SKAP1: variants seen among roughly 807,000 people sequenced by gnomAD.
The protein encoded by SKAP1 is src kinase associated phosphoprotein 1.
Under a neutral mutation model 58.5 loss-of-function variants are expected in SKAP1, and 44 were observed. That is an observed-to-expected ratio of 0.75 (90% confidence interval 0.59 to 0.97). The LOEUF (loss-of-function observed/expected upper bound fraction) is 0.97. Among genes scored for constraint, SKAP1 ranks in the 50% least tolerant of loss-of-function variants. The pLI is 0.00. For missense variants in SKAP1, 390 were observed against 435.2 expected (o/e 0.90, Z 0.92); for synonymous variants, 127 against 149.7 (o/e 0.85, Z 1.11).
At chr17:48,244,620 TG>T (rs5820691) in intron 4 of SKAP1, among the ~76,000 whole-genome samples, 80,543 of 151,878 alleles carry the variant, frequency 0.53, 23,123 homozygotes, top group East Asian at 0.77. Context: ...AACAAATAGT[TG>T]GGGGAAAGAA....
rs927931274 is a variant in SKAP1, at chr17:48,364,892, T to A, written c.153-1078A>T. 4.6e-5 allele frequency among the ~76,000 whole-genome samples: 7 copies of A among 151,408 alleles called. No homozygotes were observed. In the Admixed American group the frequency reaches 4.6e-4, roughly 10 times the overall value. On this transcript the variant is annotated intron_variant, in intron 2 of 12. Coordinates refer to ENST00000336915, the MANE Select transcript of SKAP1 (RefSeq NM_003726.4). ...CCCTTGAAGTCTTTTATTTATCTAT[T>A]TTTTTTTCTGAGACTAGGCCTTGCT...
At chr17:48,355,432 C>A (rs1042368923) in intron 3 of SKAP1, among the ~76,000 whole-genome samples, 6 of 152,108 alleles carry the variant, frequency 3.9e-5, no homozygotes, top group African/African-American at 1.4e-4. Context: ...TGCACACCCC[C>A]ATGCTTGGCT....
chr17:48,206,454 T>C (rs1241687081), intron 4 of SKAP1, among the ~76,000 whole-genome samples: 1 of 151,876 alleles, frequency 6.6e-6, no homozygotes, highest in Non-Finnish European at 1.5e-5. Flanking sequence ...TACCCCTTGG[T>C]ATAAAAAATA....
At chr17:48,310,800 C>T (rs908629353) in intron 4 of SKAP1, among the ~76,000 whole-genome samples, 1 of 151,718 alleles carries the variant, frequency 6.6e-6, no homozygotes. Context: ...AGTCCATAAT[C>T]CCCTATTCTG....
At position 48,257,735 on chromosome 17, in the gene SKAP1, T is replaced by C. The variant is rs1358375790; in HGVS notation, c.281-68235A>G. On this transcript the variant is annotated intron_variant, in intron 4 of 12. Coordinates refer to ENST00000336915, the MANE Select transcript of SKAP1 (RefSeq NM_003726.4). ...TCTCAACAATCAATTTTTACTGCTG[T>C]AGAAGATAATAATGGTAATAACACT... 2.0e-5 allele frequency among the ~76,000 whole-genome samples: 3 copies of C among 151,234 alleles called. No homozygotes were observed. The East Asian group carries it at 5.8e-4, about 29-fold the overall frequency.
intron 4 of SKAP1, chr17:48,307,933 C>A (rs1213807772): frequency 6.6e-6 from 1 of 152,150 alleles, no homozygotes; most frequent in African/African-American, 2.4e-5. Context: ...TGGTTTCTAG[C>A]CTCATCTCCA....
intron 4 of SKAP1, among the ~76,000 whole-genome samples, chr17:48,300,134 C>A (rs922863197): frequency 3.9e-5 from 6 of 152,142 alleles, no homozygotes; most frequent in Non-Finnish European, 7.4e-5. Flanking sequence ...TAGTTCAGGT[C>A]CTTCCCAGGC....
At chr17:48,302,929 TA>T (rs1388218829) in intron 4 of SKAP1, among the ~76,000 whole-genome samples, 6 of 152,180 alleles carry the variant, frequency 3.9e-5, no homozygotes, top group African/African-American at 1.4e-4. Flanking sequence ...TCACAGTGAA[TA>T]ATAATTTTAA....
chr17:48,343,751 C>A (rs2066687238), intron 4 of SKAP1, among the ~76,000 whole-genome samples: 1 of 151,980 alleles, frequency 6.6e-6, no homozygotes, highest in South Asian at 2.1e-4. Context: ...ATGGTCTTAG[C>A]CAAAATGTTT....
chr17:48,400,860 T>A (rs1198474938), intron 1 of SKAP1, among the ~76,000 whole-genome samples: 1 of 152,144 alleles, frequency 6.6e-6, no homozygotes, highest in Non-Finnish European at 1.5e-5. Context: ...AGACTTAATA[T>A]CGTTAAAATG....
Position 48,220,297 on chromosome 17 carries a change from C to A in SKAP1, c.281-30797G>T, listed in dbSNP as rs185147934. Among the ~76,000 whole-genome samples the A allele has an allele frequency of 8.7e-4, 132 of 152,246 alleles. No individual in the cohort carries two copies. The East Asian group carries it at 0.017, about 20-fold the overall frequency. ...ACAATATTTCCAAAGCAGAAAAAAA[C>A]CATACGTTTACCTACCATAGAATGA... is the stretch of plus-strand genomic sequence containing the variant. On this transcript the variant is annotated intron_variant, in intron 4 of 12. Coordinates refer to ENST00000336915, the MANE Select transcript of SKAP1 (RefSeq NM_003726.4).
At position 48,346,005 on chromosome 17, in the gene SKAP1, C is replaced by G; in HGVS notation, c.180G>C (p.Gly60=). Residue 60 remains glycine, a splice_region_variant and synonymous_variant, in exon 4 of 13, where the codon GGG becomes GGC. Coordinates refer to ENST00000336915, the MANE Select transcript of SKAP1 (RefSeq NM_003726.4). Reference sequence around the variant, plus strand: ...CAGAGCTGTCCTGTCCAATGTCTCCCCCTGAGGGACAAAAAAGACAGAAAA... The same window carrying G: ...CAGAGCTGTCCTGTCCAATGTCTCCGCCTGAGGGACAAAAAAGACAGAAAA... ...ARYYWDFQPQ[G]GDIGQDSSDD... is the part of the protein sequence containing the mutation. 1 of 1,583,504 alleles carries G rather than the reference C, an allele frequency of 6.3e-7. No homozygotes were observed. Among genetic ancestry groups the G allele is most frequent in the East Asian group, 2.3e-5 (1 of 43,902 alleles).
intron 10 of SKAP1, among the ~76,000 whole-genome samples, chr17:48,165,276 G>A (rs949658550): frequency 1.3e-5 from 2 of 152,166 alleles, no homozygotes; most frequent in African/African-American, 4.8e-5. Flanking sequence ...ACCAGGAAGA[G>A]CTTAAAAGCC....
intron 4 of SKAP1, among the ~76,000 whole-genome samples, chr17:48,318,403 T>TA (rs1476789860): frequency 1.3e-5 from 2 of 152,190 alleles, no homozygotes; most frequent in Non-Finnish European, 2.9e-5. Context: ...AGGTCCCACT[T>TA]ATAATTACAT....
chr17:48,363,558 A>T (rs1027085173), intron 3 of SKAP1, among the ~76,000 whole-genome samples: 13 of 152,228 alleles, frequency 8.5e-5, no homozygotes, highest in African/African-American at 2.7e-4. Flanking sequence ...CCTTGGTTTT[A>T]TAAAATAATC....
the SKAP1 span, among the ~76,000 whole-genome samples, chr17:48,437,467 G>A: frequency 6.6e-6 from 1 of 152,158 alleles, no homozygotes; most frequent in Non-Finnish European, 1.5e-5. Flanking sequence ...GTTAGGCCGG[G>A]TGTGGTGACT....
chr17:48,418,479 G>A (rs887373635), intron 1 of SKAP1, among the ~76,000 whole-genome samples: 1 of 152,168 alleles, frequency 6.6e-6, no homozygotes, highest in African/African-American at 2.4e-5. Context: ...AGGATATGGA[G>A]CAACAGGAAC....
chr17:48,393,738 A>C (rs1010252967), intron 2 of SKAP1, among the ~76,000 whole-genome samples: 2 of 152,220 alleles, frequency 1.3e-5, no homozygotes, highest in Non-Finnish European at 2.9e-5. Context: ...CAAGGAAACA[A>C]CAAAGAGACT....
chr17:48,245,117 A>C (rs1377321896), intron 4 of SKAP1, among the ~76,000 whole-genome samples: 1 of 152,180 alleles, frequency 6.6e-6, no homozygotes, highest in Admixed American at 6.5e-5. Context: ...ATCTGCCTGA[A>C]GTACTGCTGG....
Sources: allele counts gnomAD v4.1 joint callset (sites outside exome capture counted in the v4.1 genomes callset), GRCh38; gene constraint gnomAD v4.1.1; transcripts MANE v1.5; gene names NCBI Gene and HGNC (gene_info 2026-07-23, HGNC 2026-07-21).